ADAMTS17: variants seen among roughly 807,000 people sequenced by gnomAD.
The protein encoded by ADAMTS17 is ADAM metallopeptidase with thrombospondin type 1 motif 17, also known as A disintegrin and metalloproteinase with thrombospondin motifs 17.
In ADAMTS17, 113 loss-of-function variants were observed where a neutral mutation model predicts 141.5. The observed-to-expected ratio is 0.80, with a 90% CI of 0.69 to 0.93. ADAMTS17 has a LOEUF of 0.93. ADAMTS17 is among the 40% of genes least tolerant of loss of function. ADAMTS17 has a pLI of 0.00. For missense variants in ADAMTS17, 1,659 were observed against 1,517.9 expected (o/e 1.09, Z -1.54); for synonymous variants, 768 against 630.6 (o/e 1.22, Z -3.27).
At chr15:100,063,067 G>A (rs561472345) in intron 15 of ADAMTS17, among the ~76,000 whole-genome samples, 1 of 152,198 alleles carries the variant, frequency 6.6e-6, no homozygotes, top group Non-Finnish European at 1.5e-5. Flanking sequence ...GCTAGGAAGG[G>A]ATTTATCAGA....
chr15:100,021,224 T>C (rs2061401476), intron 18 of ADAMTS17, among the ~76,000 whole-genome samples: 1 of 152,116 alleles, frequency 6.6e-6, no homozygotes. Flanking sequence ...TGGTTCTGGG[T>C]GGGTGTGCGT....
Position 100,051,496 on chromosome 15 carries a change from G to C in ADAMTS17, c.2455+76C>G, listed in dbSNP as rs548122657. 4 of 1,601,038 alleles carry C rather than the reference G, an allele frequency of 2.5e-6. No individual in the cohort carries two copies. The African/African-American group carries it at 5.4e-5, about 21-fold the overall frequency. ...AGGTTGCAGATGTCTCACACTCTGC[G>C]TGCTGGCCACAGATGCCTTTCTCCT... On this transcript the variant is annotated intron_variant, in intron 17 of 21. Transcript: ENST00000268070.
At chr15:100,137,771 C>T (rs2038409640) in intron 10 of ADAMTS17, among the ~76,000 whole-genome samples, 2 of 152,208 alleles carry the variant, frequency 1.3e-5, no homozygotes, top group South Asian at 2.1e-4. Context: ...GGTGGGTTCC[C>T]CAAAGGGCAG....
intron 7 of ADAMTS17, among the ~76,000 whole-genome samples, chr15:100,200,064 T>C (rs970864258): frequency 6.6e-6 from 1 of 152,216 alleles, no homozygotes; most frequent in Non-Finnish European, 1.5e-5. Flanking sequence ...GAGCCAGCGC[T>C]GGGAGAGCCA....
chr15:100,132,285 G>T, intron 11 of ADAMTS17, 133 bp from the exon 12 acceptor site: 1 of 1,219,482 alleles, frequency 8.2e-7, no homozygotes, highest in Admixed American at 2.4e-5. Flanking sequence ...CTATTTCAGG[G>T]TTTGCACGTT....
At chr15:100,089,876 A>G (rs2035344332) in intron 15 of ADAMTS17, among the ~76,000 whole-genome samples, 1 of 151,658 alleles carries the variant, frequency 6.6e-6, no homozygotes, top group Non-Finnish European at 1.5e-5. Flanking sequence ...AGATATACCT[A>G]ATGTTAAATG....
intron 3 of ADAMTS17, among the ~76,000 whole-genome samples, chr15:100,283,610 T>G (rs1268779061): frequency 6.6e-6 from 1 of 152,166 alleles, no homozygotes; most frequent in Non-Finnish European, 1.5e-5. Flanking sequence ...GCTCCCCACG[T>G]TGGTTATTCG....
intron 7 of ADAMTS17, among the ~76,000 whole-genome samples, chr15:100,227,579 G>A (rs1373382019): frequency 1.3e-5 from 2 of 152,232 alleles, no homozygotes; most frequent in Non-Finnish European, 2.9e-5. Context: ...ATGGCACATC[G>A]CTGGATGGAC....
At chr15:100,315,920 A>C (rs2045552268) in intron 3 of ADAMTS17, among the ~76,000 whole-genome samples, 1 of 152,264 alleles carries the variant, frequency 6.6e-6, no homozygotes, top group Non-Finnish European at 1.5e-5. Flanking sequence ...CCAAGGCGAG[A>C]GGCCCTTGCA....
chr15:100,131,604 A>C (rs1250953940), intron 12 of ADAMTS17, among the ~76,000 whole-genome samples: 1 of 152,180 alleles, frequency 6.6e-6, no homozygotes, highest in Non-Finnish European at 1.5e-5. Flanking sequence ...AGGATGAGGA[A>C]GACAGCTGCA....
chr15:100,330,675 T>C (rs1433681361), intron 3 of ADAMTS17, among the ~76,000 whole-genome samples: 1 of 151,998 alleles, frequency 6.6e-6, no homozygotes, highest in Admixed American at 6.6e-5. Flanking sequence ...AGATCCTAGG[T>C]TCCTTGCAGA....
intron 15 of ADAMTS17, among the ~76,000 whole-genome samples, chr15:100,055,678 C>G (rs1270907542): frequency 2.0e-5 from 3 of 152,202 alleles, no homozygotes; most frequent in Admixed American, 6.5e-5. Context: ...CAACCCACAA[C>G]TGAACTGTCC....
intron 15 of ADAMTS17, among the ~76,000 whole-genome samples, chr15:100,061,824 G>C (rs2033144638): frequency 6.6e-6 from 1 of 152,218 alleles, no homozygotes; most frequent in South Asian, 2.1e-4. Context: ...GGAATACCCA[G>C]ACTGCGAATT....
chr15:100,240,816 T>C (rs1337623661), intron 7 of ADAMTS17, among the ~76,000 whole-genome samples: 1 of 152,198 alleles, frequency 6.6e-6, no homozygotes, highest in African/African-American at 2.4e-5. Context: ...TGTTTGTTTT[T>C]CTCTTGTTAA....
Position 100,096,240 on chromosome 15 carries a change from C to G in ADAMTS17, c.2137+116G>C, listed in dbSNP as rs2035748317. 5.9e-6 allele frequency: 9 copies of G among 1,536,872 alleles called. No homozygotes were observed. In the South Asian group the frequency reaches 1.0e-4, roughly 18 times the overall value. ...GAAATGAAACTGAAGTTCCAGGTCA[C>G]CTATCCACTACCATCTAGCCCTTAA... is the stretch of plus-strand genomic sequence containing the variant. On this transcript the variant is annotated intron_variant, in intron 15 of 21. Transcript: ENST00000268070.
At position 100,159,652 on chromosome 15, in the gene ADAMTS17, T is replaced by C. The variant is rs145914721; in HGVS notation, c.1182-4332A>G. Reference sequence around the variant, plus strand: ...CAGCTGCCACCTCATGGTGTAACCATTGCATGTGGACCAGGTCAAATTGCT... The same window carrying C: ...CAGCTGCCACCTCATGGTGTAACCACTGCATGTGGACCAGGTCAAATTGCT... On this transcript the variant is annotated intron_variant, in intron 8 of 21. Transcript: ENST00000268070. Among the ~76,000 whole-genome samples, 750 of 152,356 alleles carry C rather than the reference T, an allele frequency of 4.9e-3. 4 individuals carry two copies. The highest frequency in any genetic ancestry group is 0.014 in the African/African-American group (578 of 41,586).
chr15:100,286,474 C>G (rs2044452393), intron 3 of ADAMTS17, among the ~76,000 whole-genome samples: 1 of 152,190 alleles, frequency 6.6e-6, no homozygotes, highest in Non-Finnish European at 1.5e-5. Context: ...TCCAGTGCAT[C>G]AGGTTACTAA....
intron 3 of ADAMTS17, among the ~76,000 whole-genome samples, chr15:100,330,460 T>C (rs192592699): frequency 2.1e-4 from 32 of 152,296 alleles, no homozygotes; most frequent in African/African-American, 7.2e-4. Flanking sequence ...GGGGCCACAC[T>C]GTAAGAATCG....
chr15:100,067,965 C>T (rs1199393133), intron 15 of ADAMTS17, among the ~76,000 whole-genome samples: 1 of 152,138 alleles, frequency 6.6e-6, no homozygotes, highest in Non-Finnish European at 1.5e-5. Context: ...ATCCCATCAC[C>T]CGGGAAGCGC....
Sources: gnomAD v4.1 joint callset for allele counts (sites outside exome capture counted in the v4.1 genomes callset) on GRCh38, gnomAD v4.1.1 for gene constraint, MANE v1.5 for transcripts, NCBI Gene and HGNC (gene_info 2026-07-23, HGNC 2026-07-21) for gene names.